CCSER1: variants seen among roughly 807,000 people sequenced by gnomAD.
CCSER1 encodes coiled-coil serine rich protein 1.
A neutral mutation model predicts 82.0 loss-of-function variants in CCSER1; 41 were observed. That is an observed-to-expected ratio of 0.50 (90% CI 0.39 to 0.65). CCSER1 has a LOEUF of 0.65. Ranked by LOEUF, CCSER1 falls within the 30% of genes least tolerant of loss-of-function variation. The probability of loss-of-function intolerance (pLI) is 0.00; values close to 1 mark genes in which losing one functional copy is unlikely to be tolerated. For synonymous variants in CCSER1, 414 were observed against 383.9 expected (o/e 1.08, Z -0.92); for missense variants, 1,119 against 1,064.2 (o/e 1.05, Z -0.72).
intron 9 of CCSER1, among the ~76,000 whole-genome samples, chr4:90,928,496 A>G (rs1406350778): frequency 2.0e-5 from 3 of 152,146 alleles, no homozygotes; most frequent in Non-Finnish European, 2.9e-5. Flanking sequence ...GGAGCTTGCA[A>G]CTGGTGAGGG....
intron 10 of CCSER1, among the ~76,000 whole-genome samples, chr4:91,130,785 T>C (rs187510136): frequency 3.9e-5 from 6 of 151,942 alleles, no homozygotes; most frequent in South Asian, 2.1e-4. Context: ...TAACCAATTA[T>C]CTTACATAAA....
At chr4:91,528,982 C>A (rs1232127208) in intron 10 of CCSER1, among the ~76,000 whole-genome samples, 1 of 151,912 alleles carries the variant, frequency 6.6e-6, no homozygotes, top group Non-Finnish European at 1.5e-5. Flanking sequence ...GCATTTTTTT[C>A]CAAAATTCTG....
intron 7 of CCSER1, among the ~76,000 whole-genome samples, chr4:90,770,749 A>G (rs746459480): frequency 1.3e-5 from 2 of 152,008 alleles, no homozygotes; most frequent in African/African-American, 2.4e-5. Context: ...TTTGTCTTTC[A>G]TGAGATTTTG....
chr4:90,876,271 T>A (rs1455552549), intron 8 of CCSER1, among the ~76,000 whole-genome samples: 1 of 152,220 alleles, frequency 6.6e-6, no homozygotes, highest in South Asian at 2.1e-4. Flanking sequence ...TTCATTATAA[T>A]GAAAACCCAA....
chr4:91,149,872 G>A (rs1729970302), intron 10 of CCSER1, among the ~76,000 whole-genome samples: 1 of 152,118 alleles, frequency 6.6e-6, no homozygotes, highest in Non-Finnish European at 1.5e-5. Context: ...TGCTGTTTTG[G>A]TTACTGTAGC....
intron 10 of CCSER1, among the ~76,000 whole-genome samples, chr4:91,219,165 C>A (rs1737530328): frequency 6.6e-6 from 1 of 152,080 alleles, no homozygotes; most frequent in Admixed American, 6.5e-5. Context: ...TTATTCTAAT[C>A]ATTCCTCAAA....
At chr4:91,471,498 G>T (rs949174100) in intron 10 of CCSER1, among the ~76,000 whole-genome samples, 1 of 152,032 alleles carries the variant, frequency 6.6e-6, no homozygotes, top group Non-Finnish European at 1.5e-5. Context: ...TTGTCATGAG[G>T]TAATATGGAT....
At chr4:90,280,713 CAG>C (rs1578931515) in intron 1 of CCSER1, among the ~76,000 whole-genome samples, 1 of 151,852 alleles carries the variant, frequency 6.6e-6, no homozygotes, top group African/African-American at 2.4e-5. Flanking sequence ...TGAGAGTTGC[CAG>C]AGTGTTTCCT....
intron 10 of CCSER1, among the ~76,000 whole-genome samples, chr4:91,304,621 C>A (rs1744908162): frequency 6.6e-6 from 1 of 151,948 alleles, no homozygotes; most frequent in Non-Finnish European, 1.5e-5. Context: ...GGAGGGCAGC[C>A]AGAATTTAAT....
At chr4:90,929,428 A>C (rs1729456201) in intron 9 of CCSER1, among the ~76,000 whole-genome samples, 2 of 152,190 alleles carry the variant, frequency 1.3e-5, no homozygotes, top group South Asian at 4.1e-4. Context: ...ATTAAACTCA[A>C]ATCAGCATAG....
At chr4:90,382,577 A>G (rs1578199493) in intron 3 of CCSER1, among the ~76,000 whole-genome samples, 2 of 152,076 alleles carry the variant, frequency 1.3e-5, no homozygotes, top group East Asian at 1.9e-4. Context: ...TTTTCAGAAA[A>G]TGGAATATAA....
intron 10 of CCSER1, among the ~76,000 whole-genome samples, chr4:91,493,303 T>C (rs1286363162): frequency 1.3e-5 from 2 of 151,822 alleles, no homozygotes; most frequent in Non-Finnish European, 2.9e-5. Flanking sequence ...ATTTATCACA[T>C]GATAAAGAAT....
intron 9 of CCSER1, among the ~76,000 whole-genome samples, chr4:91,081,617 C>CTTTT (rs1722758769): frequency 6.6e-6 from 1 of 151,602 alleles, no homozygotes; most frequent in Non-Finnish European, 1.5e-5. Context: ...AAGAGGAAGT[C>CTTTT]AAATTGTCCC....
intron 5 of CCSER1, among the ~76,000 whole-genome samples, chr4:90,579,415 A>G (rs1781162994): frequency 6.6e-6 from 1 of 152,198 alleles, no homozygotes; most frequent in South Asian, 2.1e-4. Flanking sequence ...AAGGGCAAAA[A>G]TCTAGCTACC....
intron 1 of CCSER1, among the ~76,000 whole-genome samples, chr4:90,187,421 C>T (rs935846785): frequency 1.3e-5 from 2 of 149,520 alleles, no homozygotes; most frequent in Non-Finnish European, 3.0e-5. Context: ...TAATTACCTC[C>T]CTTATCGGAT....
intron 8 of CCSER1, among the ~76,000 whole-genome samples, chr4:90,900,959 G>C (rs192609970): frequency 3.3e-5 from 5 of 151,964 alleles, no homozygotes; most frequent in African/African-American, 1.2e-4. Context: ...CTATAAATCT[G>C]TGTGCTTTGA....
intron 5 of CCSER1, among the ~76,000 whole-genome samples, chr4:90,515,582 T>C (rs1056847506): frequency 6.6e-6 from 1 of 152,230 alleles, no homozygotes; most frequent in Admixed American, 6.5e-5. Flanking sequence ...TTCTGTATTG[T>C]TCACATGACA....
Position 90,567,501 on chromosome 4 carries a change from G to T in CCSER1, c.1725-60524G>T, listed in dbSNP as rs143881904. On this transcript the variant is annotated intron_variant, in intron 5 of 10. Coordinates refer to ENST00000509176, the MANE Select transcript of CCSER1 (RefSeq NM_001145065.2). ...GACGGGGTTTCTCCATGTTGGTCAG[G>T]CTGGTCTCAAACTCCCGACCTCAGG... Among the ~76,000 whole-genome samples the T allele has an allele frequency of 2.8e-4, 42 of 152,062 alleles. No individual in the cohort carries two copies. In the East Asian group the frequency reaches 7.7e-3, roughly 28 times the overall value.
intron 5 of CCSER1, among the ~76,000 whole-genome samples, chr4:90,487,679 T>C (rs1767326250): frequency 6.6e-6 from 1 of 152,164 alleles, no homozygotes; most frequent in Non-Finnish European, 1.5e-5. Context: ...CGAAGTCTTG[T>C]TCTGTCACTA....
Sources: allele counts gnomAD v4.1 joint callset (sites outside exome capture counted in the v4.1 genomes callset), GRCh38; gene constraint gnomAD v4.1.1; transcripts MANE v1.5; gene names NCBI Gene and HGNC (gene_info 2026-07-23, HGNC 2026-07-21).